The following TEDC1 variants were observed in gnomAD, a reference collection of about 807,000 sequenced individuals.
TEDC1 encodes tubulin epsilon and delta complex protein 1.
Under a neutral mutation model 59.9 loss-of-function variants are expected in TEDC1, and 54 were observed. That is an observed-to-expected ratio of 0.90 (90% CI 0.72 to 1.13). The LOEUF is 1.13. Among genes scored for constraint, TEDC1 ranks in the 50% most tolerant of loss-of-function variants. The pLI, the probability that TEDC1 is intolerant of heterozygous loss-of-function variation, is 0.00. For synonymous variants in TEDC1, 353 were observed against 298.1 expected, an observed-to-expected ratio of 1.18 and a Z score of -1.90; for missense variants, 734 against 683.4, an observed-to-expected ratio of 1.07 and a Z score of -0.83.
Position 105,491,250 on chromosome 14 carries a change from T to C in TEDC1, c.-126T>C. On this transcript the variant is annotated 5_prime_UTR_variant, in exon 1 of 9. Transcript: ENST00000392523. ...GCCCGTGCCATGATTGGGCTCAGGT[T>C]CCAGCCGGAGCGGTAACTGGGCGCA... 1 of 1,533,522 alleles carries C rather than the reference T, an allele frequency of 6.5e-7. No homozygotes were observed. The highest frequency in any genetic ancestry group is 1.4e-5 in the African/African-American group (1 of 72,796). The allele number at this position is 1,533,522 out of a possible 1,614,324, so 95.0% of individuals were successfully genotyped here.
chr14:105,497,551 A>G (rs2084374984), intron 7 of TEDC1, 108 bp downstream of exon 7: 1 of 1,352,474 alleles, frequency 7.4e-7, no homozygotes, highest in Non-Finnish European at 1.0e-6. Context: ...GCTTTTAGGG[A>G]GGCCACAGAC....
Position 105,491,709 on chromosome 14 carries a change from C to A in TEDC1, c.226+9C>A. The A allele has an allele frequency of 6.5e-7, 1 of 1,546,518 alleles. No individual in the cohort carries two copies. The highest frequency in any genetic ancestry group is 1.2e-5 in the South Asian group (1 of 84,018). ...GGCATCGCTCGCCCTGGGTAAGCCC[C>A]GCTCCTGGCCCCGCCCACCCGGTAG... On this transcript the variant is annotated intron_variant, in intron 2 of 8. Coordinates refer to ENST00000392523, the MANE Select transcript of TEDC1 (RefSeq NM_001367178.1).
At chr14:105,490,406 C>T (rs889080072), upstream of TEDC1, 12 of 152,384 alleles carry the variant, frequency 7.9e-5, no homozygotes, top group African/African-American at 2.9e-4. Context: ...TCACGAATGC[C>T]CGGAGGCGCC....
At chr14:105,492,539 G>C in intron 3 of TEDC1, 40 bp from the exon 4 acceptor site, 1 of 1,525,944 alleles carries the variant, frequency 6.6e-7, no homozygotes, top group Non-Finnish European at 8.8e-7. Context: ...TGGGGGGCAG[G>C]GTGGGGTGGG....
Position 105,499,167 on chromosome 14 carries a change from G to A in TEDC1, c.*221G>A, listed in dbSNP as rs979720591. The A allele has an allele frequency of 2.5e-5, 15 of 592,346 alleles. No individual in the cohort carries two copies. Among genetic ancestry groups the A allele is most frequent in the Admixed American group, 6.2e-5 (2 of 32,212 alleles). 36.7% of individuals were successfully genotyped at this position (592,346 alleles called of 1,614,324 possible). On this transcript the variant is annotated 3_prime_UTR_variant, in exon 9 of 9. Coordinates refer to ENST00000392523, the MANE Select transcript of TEDC1 (RefSeq NM_001367178.1). ...GAATGGCTGGTCCCTTGAGGAGGTC[G>A]TGACAGGCTCAGCCTGGTGGTCTGG...
intron 4 of TEDC1, 143 bp downstream of exon 4, chr14:105,492,877 C>G: frequency 8.1e-7 from 1 of 1,239,986 alleles, no homozygotes; most frequent in South Asian, 1.6e-5. Flanking sequence ...TACCCAAAGC[C>G]TGAGCCCGTG....
chr14:105,492,213 GCTGGCTCTGTC>G lies in TEDC1; in HGVS notation c.342_352del (p.Ser115GlyfsTer19). 1 of 1,612,490 alleles carries G rather than the reference GCTGGCTCTGTC, an allele frequency of 6.2e-7. No homozygotes were observed. Among genetic ancestry groups the G allele is most frequent in the Non-Finnish European group, 8.5e-7 (1 of 1,179,920 alleles). On this transcript the variant is annotated frameshift_variant, in exon 3 of 9. Transcript: ENST00000392523. LOFTEE classifies it high-confidence loss of function. The stretch of plus-strand genomic sequence containing the variant: ...GCTCGCAGGGCAGTCGGGAGCTGCT[GCTGGCTCTGTC>G]CTGGCTCTTGGCCCGAGGACCTGTG...
chr14:105,497,332 A>G, intron 6 of TEDC1, 25 bp from the exon 7 acceptor site: 1 of 1,548,118 alleles, frequency 6.5e-7, no homozygotes, highest in Non-Finnish European at 8.7e-7. Flanking sequence ...GTGAGGTTCT[A>G]GGCCAGCTGC....
upstream of TEDC1, chr14:105,490,100 G>T (rs929672120): frequency 6.6e-6 from 1 of 151,420 alleles, no homozygotes; most frequent in African/African-American, 2.4e-5. Flanking sequence ...GCGCCGGAGG[G>T]AAGGAGGCTG....
chr14:105,498,851 G>C lies in TEDC1; in HGVS notation c.1393G>C (p.Val465Leu), dbSNP rs1358206147. The change falls in exon 9 of 9, where the codon GTG becomes CTG. Residue 465 changes from valine to leucine, a missense_variant. Val to Leu is a conservative substitution (Grantham distance 32). Coordinates refer to ENST00000392523, the MANE Select transcript of TEDC1 (RefSeq NM_001367178.1). ...GAGCCAGGAGGCCTGCCTGGAGGCG[G>C]TGCTACGTCGACTACAGGGACAGTG... is the stretch of plus-strand genomic sequence containing the variant. ...LRSQEACLEA[V>L]LRRLQGQCRQ... 2.0e-5 allele frequency: 33 copies of C among 1,611,370 alleles called. No homozygotes were observed. Among genetic ancestry groups the C allele is most frequent in the Non-Finnish European group, 2.6e-5 (31 of 1,179,536 alleles).
At chr14:105,494,110 C>T (rs982708834) in intron 5 of TEDC1, 177 bp downstream of exon 5, 6 of 610,978 alleles carry the variant, frequency 9.8e-6, no homozygotes, top group Admixed American at 8.3e-5. Flanking sequence ...CTTCTCTGGG[C>T]CTCTCCTAGC....
In TEDC1 at chr14:105,491,708, C is replaced by G. The variant is rs913362218; in HGVS notation, c.226+8C>G. 2 of 1,546,486 alleles carry G rather than the reference C, an allele frequency of 1.3e-6. No homozygotes were observed. Among genetic ancestry groups the G allele is most frequent in the African/African-American group, 2.7e-5 (2 of 73,048 alleles). On this transcript the variant is annotated splice_region_variant and intron_variant, in intron 2 of 8. Transcript: ENST00000392523. Reference sequence around the variant, plus strand: ...TGGCATCGCTCGCCCTGGGTAAGCCCCGCTCCTGGCCCCGCCCACCCGGTA... The same window carrying G: ...TGGCATCGCTCGCCCTGGGTAAGCCGCGCTCCTGGCCCCGCCCACCCGGTA...
chr14:105,498,584 G>T lies in TEDC1; in HGVS notation c.1159-33G>T, dbSNP rs370585717. 9.2e-5 allele frequency: 138 copies of T among 1,503,664 alleles called. No homozygotes were observed. The African/African-American group carries it at 1.7e-3, about 18-fold the overall frequency. 93.1% of individuals were successfully genotyped at this position (1,503,664 alleles called of 1,614,324 possible). On this transcript the variant is annotated intron_variant, in intron 8 of 8. Coordinates refer to ENST00000392523, the MANE Select transcript of TEDC1 (RefSeq NM_001367178.1). ...GGGAGCCTGAGGCCAGTGTCCTGGG[G>T]GGACAGAGCCATTGCCATTGTGTCC...
chr14:105,493,263 C>T (rs370134357), intron 4 of TEDC1, among the ~76,000 whole-genome samples: 6 of 152,046 alleles, frequency 3.9e-5, no homozygotes, highest in South Asian at 2.1e-4. Flanking sequence ...CTCCCACCAG[C>T]GCGGGACTCC....
Position 105,492,325 on chromosome 14 carries a change from G to C in TEDC1, c.429+16G>C. 1 of 1,598,996 alleles carries C rather than the reference G, an allele frequency of 6.3e-7. No individual in the cohort carries two copies. Among genetic ancestry groups the C allele is most frequent in the African/African-American group, 1.3e-5 (1 of 74,960 alleles). ...TGTGTGCCAGGTGCGTGTGGGTGAG[G>C]GTGAGCTGAGCCAGCCCTGGTCTCA... is the stretch of plus-strand genomic sequence containing the variant. On this transcript the variant is annotated intron_variant, in intron 3 of 8. Transcript: ENST00000392523.
At chr14:105,490,087 G>A (rs1376208684), upstream of TEDC1, 1 of 152,082 alleles carries the variant, frequency 6.6e-6, no homozygotes, top group Non-Finnish European at 1.5e-5. Context: ...AGGAGATCGC[G>A]ATGCGCCGGA....
chr14:105,491,553 G>A, intron 1 of TEDC1, 31 bp downstream of exon 1: 1 of 1,534,232 alleles, frequency 6.5e-7, no homozygotes, highest in South Asian at 1.2e-5. Context: ...AGGCGGGCCG[G>A]GTGGGGTCCC....
intron 6 of TEDC1, chr14:105,496,393 G>A: frequency 5.2e-6 from 2 of 384,974 alleles, no homozygotes; most frequent in South Asian, 2.7e-5. Flanking sequence ...CCGCAGGCCT[G>A]CCTGCCTCTG....
Position 105,491,687 on chromosome 14 carries a change from A to T in TEDC1, c.213A>T (p.Ala71=). The T allele has an allele frequency of 3.2e-6, 5 of 1,549,084 alleles. No homozygotes were observed. Among genetic ancestry groups the T allele is most frequent in the Non-Finnish European group, 4.4e-6 (5 of 1,146,854 alleles). Reference sequence around the variant, plus strand: ...CACTCCCTGCGGGCAACGCCTTGGCATCGCTCGCCCTGGGTAAGCCCCGCT... The same window carrying T: ...CACTCCCTGCGGGCAACGCCTTGGCTTCGCTCGCCCTGGGTAAGCCCCGCT... ...LSPLPAGNAL[A]SLALEVQARL... Residue 71 remains alanine (A), a synonymous_variant, in exon 2 of 9, where the codon GCA becomes GCT. Transcript: ENST00000392523.
Sources: gnomAD v4.1 joint callset for allele counts (sites outside exome capture counted in the v4.1 genomes callset) on GRCh38, gnomAD v4.1.1 for gene constraint, MANE v1.5 for transcripts, NCBI Gene and HGNC (gene_info 2026-07-23, HGNC 2026-07-21) for gene names.